Variants in DAB1 observed in about 807,000 individuals in gnomAD.
DAB1 encodes disabled homolog 1.
DAB1 carries 15 observed loss-of-function variants against 64.6 expected under a neutral mutation model. That is an observed-to-expected ratio of 0.23 (90% CI 0.16 to 0.36). The LOEUF (loss-of-function observed/expected upper bound fraction) is 0.36. Among genes scored for constraint, DAB1 ranks in the 10% least tolerant of loss-of-function variants. The pLI, the probability that DAB1 is intolerant of heterozygous loss-of-function variation, is 1.00. For synonymous variants in DAB1, 235 were observed against 251.9 expected (o/e 0.93, Z 0.64); for missense variants, 596 against 706.7 (o/e 0.84, Z 1.78).
chr1:57,910,396 T>C (rs1008228815), intron 5 of DAB1, among the ~76,000 whole-genome samples: 3 of 152,200 alleles, frequency 2.0e-5, no homozygotes, highest in South Asian at 2.1e-4. Flanking sequence ...AGTTTAATTA[T>C]AGGTGTTTAG....
intron 7 of DAB1, among the ~76,000 whole-genome samples, chr1:57,602,415 G>A (rs920627949): frequency 2.6e-5 from 4 of 152,118 alleles, no homozygotes; most frequent in South Asian, 2.1e-4. Context: ...TCTGGTATAC[G>A]ATGAGTCACT....
chr1:57,228,723 G>A (rs1458526235), intron 2 of DAB1, among the ~76,000 whole-genome samples: 1 of 152,108 alleles, frequency 6.6e-6, no homozygotes, highest in Non-Finnish European at 1.5e-5. Flanking sequence ...CCAGCAATCT[G>A]TTACTAGATA....
chr1:57,302,703 G>A (rs111624496), intron 1 of DAB1, among the ~76,000 whole-genome samples: 13 of 152,022 alleles, frequency 8.6e-5, no homozygotes, highest in Non-Finnish European at 1.8e-4. Context: ...TCCTGGGTTC[G>A]AGGGATCCTC....
intron 3 of DAB1, among the ~76,000 whole-genome samples, chr1:58,492,216 C>G (rs935079851): frequency 1.3e-5 from 2 of 151,982 alleles, no homozygotes; most frequent in African/African-American, 4.8e-5. Context: ...TTGAAACCAA[C>G]GAGAACAAAG....
intron 1 of DAB1, among the ~76,000 whole-genome samples, chr1:57,342,078 T>C (rs1401540569): frequency 6.6e-6 from 1 of 152,224 alleles, no homozygotes; most frequent in East Asian, 1.9e-4. Context: ...CAGGGTTAAG[T>C]TACTGACTTA....
At chr1:58,021,591 G>A (rs1646815596) in intron 5 of DAB1, among the ~76,000 whole-genome samples, 2 of 152,156 alleles carry the variant, frequency 1.3e-5, no homozygotes, top group South Asian at 4.1e-4. Flanking sequence ...TAAGAGGACT[G>A]TGAGCATATG....
intron 2 of DAB1, among the ~76,000 whole-genome samples, chr1:58,527,069 A>G (rs1359512125): frequency 6.6e-6 from 1 of 152,114 alleles, no homozygotes; most frequent in Non-Finnish European, 1.5e-5. Flanking sequence ...TATAGAAGGG[A>G]ATTGAGACTC....
intron 5 of DAB1, among the ~76,000 whole-genome samples, chr1:57,959,002 C>T (rs1645454287): frequency 6.6e-6 from 1 of 152,208 alleles, no homozygotes; most frequent in Non-Finnish European, 1.5e-5. Context: ...ACAAAGTCAA[C>T]CCTAACAGAA....
At chr1:57,657,402 G>A (rs1219065979) in intron 6 of DAB1, among the ~76,000 whole-genome samples, 3 of 152,138 alleles carry the variant, frequency 2.0e-5, no homozygotes, top group Admixed American at 6.6e-5. Context: ...ATCACAGTAC[G>A]GAGTTCCCCA....
At chr1:58,122,644 T>G (rs1386925582) in intron 5 of DAB1, among the ~76,000 whole-genome samples, 2 of 152,206 alleles carry the variant, frequency 1.3e-5, no homozygotes, top group Non-Finnish European at 2.9e-5. Context: ...GAATAGGTTT[T>G]GGAGGCTGAC....
chr1:58,178,436 T>A (rs1193758130), intron 4 of DAB1, among the ~76,000 whole-genome samples: 1 of 152,168 alleles, frequency 6.6e-6, no homozygotes, highest in African/African-American at 2.4e-5. Context: ...GGAAATAGGA[T>A]CTTTCCGGAA....
intron 6 of DAB1, among the ~76,000 whole-genome samples, chr1:57,725,425 C>G (rs1180376571): frequency 6.6e-6 from 1 of 152,162 alleles, no homozygotes; most frequent in Non-Finnish European, 1.5e-5. Flanking sequence ...GTTCTCCAGG[C>G]CCTAAAACTT....
rs79566391 is a variant in DAB1 at position 57,401,726 on chromosome 1, A to G, written c.-137+22204T>C. ...AAGTCAGCAGTTCAAGGACACACAG[A>G]TTTTCCGACAGACCTGAGATTAGAA... is the stretch of plus-strand genomic sequence containing the variant. On this transcript the variant is annotated intron_variant, in intron 1 of 14. Transcript: ENST00000371236. 6.0e-3 allele frequency among the ~76,000 whole-genome samples: 915 copies of G among 152,298 alleles called. 3 individuals carry two copies. The highest frequency in any genetic ancestry group is 8.0e-3 in the Admixed American group (122 of 15,296).
chr1:58,088,902 C>T (rs1650476865), intron 5 of DAB1, among the ~76,000 whole-genome samples: 1 of 152,110 alleles, frequency 6.6e-6, no homozygotes, highest in Non-Finnish European at 1.5e-5. Flanking sequence ...CTGATGAGAT[C>T]AGGAAGGACT....
intron 5 of DAB1, among the ~76,000 whole-genome samples, chr1:57,949,116 A>T (rs1308479138): frequency 1.3e-5 from 2 of 151,994 alleles, no homozygotes; most frequent in Non-Finnish European, 2.9e-5. Context: ...AGCGGTCCCC[A>T]ACCTTTTTGG....
At chr1:58,464,728 G>C (rs1013387183) in intron 3 of DAB1, among the ~76,000 whole-genome samples, 1 of 152,172 alleles carries the variant, frequency 6.6e-6, no homozygotes. Context: ...AAGCAAATAC[G>C]ATGGATGTGG....
intron 4 of DAB1, among the ~76,000 whole-genome samples, chr1:58,342,175 C>T (rs925987896): frequency 6.6e-5 from 10 of 152,112 alleles, no homozygotes; most frequent in African/African-American, 2.2e-4. Flanking sequence ...TTTGGAATGT[C>T]TAGATACATG....
chr1:58,301,416 T>A (rs1283613537), intron 4 of DAB1, among the ~76,000 whole-genome samples: 1 of 152,206 alleles, frequency 6.6e-6, no homozygotes, highest in Non-Finnish European at 1.5e-5. Flanking sequence ...ACGGGCCACA[T>A]GCTGCCCATA....
rs144337970 is a variant in DAB1, at chr1:57,670,577, A to C, written n.552-20912T>G. 6.6e-3 allele frequency among the ~76,000 whole-genome samples: 1,000 copies of C among 152,306 alleles called. 2 individuals carry two copies. The highest frequency in any genetic ancestry group is 0.02 in the Middle Eastern group (6 of 294). ...GGGAAATTCTTATTTTCAGGCAAAG[A>C]AAATGGATATCAGTGGTAATGCTGG... On this transcript the variant is annotated intron_variant and non_coding_transcript_variant, in intron 6 of 20. Transcript: ENST00000485760.
Sources: allele counts gnomAD v4.1 joint callset (sites outside exome capture counted in the v4.1 genomes callset), GRCh38; gene constraint gnomAD v4.1.1; transcripts MANE v1.5; gene names NCBI Gene and HGNC (gene_info 2026-07-23, HGNC 2026-07-21).